The following COX7A2L variants were observed in gnomAD, a reference collection of about 807,000 sequenced individuals.
The protein encoded by COX7A2L is cytochrome c oxidase subunit 7A2-like, mitochondrial.
Under a neutral mutation model 14.2 loss-of-function variants are expected in COX7A2L, and 18 were observed. The ratio of observed to expected loss-of-function variants is 1.27; its 90% confidence interval spans 0.88 to 1.88. The LOEUF (loss-of-function observed/expected upper bound fraction) is 1.88, where lower values mean the gene tolerates loss of function less well. Among genes scored for constraint, COX7A2L ranks in the 40% most tolerant of loss-of-function variants. The probability of loss-of-function intolerance (pLI) is 0.00; values close to 1 mark genes in which losing one functional copy is unlikely to be tolerated. For synonymous variants in COX7A2L, 65 were observed against 57.4 expected (o/e 1.13, Z -0.60); for missense variants, 179 against 138.8 (o/e 1.29, Z -1.46).
In COX7A2L at chr2:42,342,812, G is replaced by A. The variant is rs1486080458; in HGVS notation, c.193-8943C>T. Among the ~76,000 whole-genome samples, 1 of 152,078 alleles carries A rather than the reference G, an allele frequency of 6.6e-6. No homozygotes were observed. The highest frequency in any genetic ancestry group is 1.9e-4 in the East Asian group (1 of 5,172). Reference sequence around the variant, plus strand: ...TTCAGCGCCCCCCGTTTCGGGTTTTGCAGCAGACTTCCCCTGGGAAGTCAG... The same window carrying A: ...TTCAGCGCCCCCCGTTTCGGGTTTTACAGCAGACTTCCCCTGGGAAGTCAG... On this transcript the variant is annotated intron_variant, in intron 2 of 2. Transcript: ENST00000468711. The surrounding 1 kb of genome is among the most constrained non-coding windows in gnomAD (Gnocchi z 4.9).
rs1670347992 is a variant in COX7A2L at position 42,339,133 on chromosome 2, ACT to A, written c.193-5266_193-5265del. ...AAAGCTGAAGTGGTTTCTATGGGAA[ACT>A]CTCACAATAAAATAGAAGGAAGTTT... On this transcript the variant is annotated intron_variant, in intron 2 of 2. Transcript: ENST00000468711. This position sits in a 1 kb window ranked among gnomAD's most constrained non-coding sequence, Gnocchi z 5.4. Among the ~76,000 whole-genome samples the A allele has an allele frequency of 6.6e-6, 1 of 151,970 alleles. No homozygotes were observed. The highest frequency in any genetic ancestry group is 6.6e-5 in the Admixed American group (1 of 15,242).
downstream of COX7A2L, among the ~76,000 whole-genome samples, chr2:42,348,039 G>A (rs1325450437): frequency 6.6e-6 from 1 of 152,178 alleles, no homozygotes; most frequent in African/African-American, 2.4e-5. Context: ...CACAAGGTAG[G>A]GAGGTGATCA....
chr2:42,353,371 G>C, intron 1 of COX7A2L, 28 bp from the exon 2 acceptor site: 1 of 1,611,512 alleles, frequency 6.2e-7, no homozygotes, highest in Non-Finnish European at 8.5e-7. Flanking sequence ...AAAATGGCAA[G>C]TTGAAAGTAT....
At chr2:42,362,163 T>C (rs1012682905), upstream of COX7A2L, among the ~76,000 whole-genome samples, 1 of 152,214 alleles carries the variant, frequency 6.6e-6, no homozygotes, top group Non-Finnish European at 1.5e-5. Context: ...ACCTTGAGCC[T>C]GAAAGATCTG....
chr2:42,365,087 C>G (rs1460951080), upstream of COX7A2L, among the ~76,000 whole-genome samples: 1 of 152,118 alleles, frequency 6.6e-6, no homozygotes, highest in African/African-American at 2.4e-5. Flanking sequence ...CTTAATTATG[C>G]ATAGAAAAAA....
upstream of COX7A2L, among the ~76,000 whole-genome samples, chr2:42,365,369 G>A (rs1303738878): frequency 6.6e-6 from 1 of 152,182 alleles, no homozygotes; most frequent in Non-Finnish European, 1.5e-5. Flanking sequence ...GCTCACACCT[G>A]TAATCCCAGC....
chr2:42,348,169 C>A (rs1334285329), downstream of COX7A2L, among the ~76,000 whole-genome samples: 1 of 152,174 alleles, frequency 6.6e-6, no homozygotes, highest in African/African-American at 2.4e-5. Context: ...TTTAAAGGCT[C>A]ATCTTCACAG....
chr2:42,363,631 T>C (rs1390208403), upstream of COX7A2L, among the ~76,000 whole-genome samples: 2 of 152,252 alleles, frequency 1.3e-5, no homozygotes, highest in African/African-American at 4.8e-5. Flanking sequence ...ATGGAATGGC[T>C]GATCATGGGA....
chr2:42,354,310 A>T (rs528041496), intron 1 of COX7A2L, among the ~76,000 whole-genome samples: 2 of 152,320 alleles, frequency 1.3e-5, no homozygotes, highest in South Asian at 4.1e-4. Context: ...TTTATCTGAA[A>T]GGAATAAACC....
At chr2:42,367,992 A>C (rs77444857) in intron 1 of COX7A2L, among the ~76,000 whole-genome samples, 1 of 152,242 alleles carries the variant, frequency 6.6e-6, no homozygotes, top group African/African-American at 2.4e-5. Context: ...GTAAAAATCA[A>C]ATCAAGGTGT....
chr2:42,346,262 C>G (rs55978605), downstream of COX7A2L, among the ~76,000 whole-genome samples: 1 of 152,094 alleles, frequency 6.6e-6, no homozygotes, highest in African/African-American at 2.4e-5. Context: ...CAGAATTAAA[C>G]AGCTGCATAA....
rs1021476087 is a variant in COX7A2L, at chr2:42,351,361, T to C, written c.205-2A>G. ...GTAGACGGGCACACCATCAGCTTTC[T>C]TGAAAGCAAGAATTAACAAGGGCAT... On this transcript the variant is annotated splice_acceptor_variant, in intron 2 of 2. Coordinates refer to ENST00000234301, the MANE Select transcript of COX7A2L (RefSeq NM_004718.4). LOFTEE classifies it high-confidence loss of function. 4.3e-6 allele frequency: 7 copies of C among 1,612,320 alleles called. No homozygotes were observed. The highest frequency in any genetic ancestry group is 5.9e-6 in the Non-Finnish European group (7 of 1,179,538).
At chr2:42,361,650 A>T (rs1194365443), upstream of COX7A2L, 1 of 153,622 alleles carries the variant, frequency 6.5e-6, no homozygotes, top group East Asian at 1.9e-4. Context: ...TGGGAATTCC[A>T]CCATCCGAGA....
upstream of COX7A2L, among the ~76,000 whole-genome samples, chr2:42,362,072 T>C (rs1197284028): frequency 1.3e-5 from 2 of 152,192 alleles, no homozygotes; most frequent in Non-Finnish European, 2.9e-5. Flanking sequence ...AGGTCATTGA[T>C]TATTCATCCT....
intron 2 of COX7A2L, among the ~76,000 whole-genome samples, chr2:42,337,904 TG>T (rs1228155001): frequency 6.6e-6 from 1 of 152,188 alleles, no homozygotes; most frequent in Non-Finnish European, 1.5e-5. Context: ...GTGCGGACCG[TG>T]GGACCAAGCG....
chr2:42,351,284 T>A lies in COX7A2L; in HGVS notation c.280A>T (p.Thr94Ser). 6 of 1,614,218 alleles carry A rather than the reference T, an allele frequency of 3.7e-6. No individual in the cohort carries two copies. The highest frequency in any genetic ancestry group is 5.1e-6 in the Non-Finnish European group (6 of 1,180,040). Residue 94 changes from threonine (T) to serine (S), a missense_variant, in exon 3 of 3, where the codon ACT becomes TCT. Physicochemically the swap from Thr to Ser is moderately conservative, Grantham distance 58. Transcript: ENST00000234301. ...QMLYRTTMAL[T>S]VGGTIYCLIA... ...AGGCAGTAGATGGTCCCTCCCACAG[T>A]CAGCGCCATGGTGGTCCGGTAAAGC...
Position 42,339,112 on chromosome 2 carries a change from C to T in COX7A2L, c.193-5243G>A, listed in dbSNP as rs1050667357. 1.3e-5 allele frequency among the ~76,000 whole-genome samples: 2 copies of T among 152,216 alleles called. No homozygotes were observed. Among genetic ancestry groups the T allele is most frequent in the African/African-American group, 4.8e-5 (2 of 41,448 alleles). ...AAAGCTGCCGTTCACCATGCCAAAG[C>T]TGAAGTGGTTTCTATGGGAAACTCT... is the stretch of plus-strand genomic sequence containing the variant. On this transcript the variant is annotated intron_variant, in intron 2 of 2. Transcript: ENST00000468711. The surrounding 1 kb of genome is among the most constrained non-coding windows in gnomAD (Gnocchi z 5.4).
intron 2 of COX7A2L, among the ~76,000 whole-genome samples, chr2:42,340,870 T>A (rs1670390385): frequency 6.6e-6 from 1 of 152,150 alleles, no homozygotes; most frequent in Admixed American, 6.6e-5. Flanking sequence ...CGCAGCACAC[T>A]GCAGAAGGAA....
intron 2 of COX7A2L, among the ~76,000 whole-genome samples, chr2:42,343,721 G>A (rs1188214556): frequency 6.6e-6 from 1 of 152,232 alleles, no homozygotes; most frequent in African/African-American, 2.4e-5. Flanking sequence ...GGGACAGAAA[G>A]TGAGAGGTTT....
Sources: allele counts gnomAD v4.1 joint callset (sites outside exome capture counted in the v4.1 genomes callset), GRCh38; gene constraint gnomAD v4.1.1; non-coding constraint Gnocchi (gnomAD v3.1); transcripts MANE v1.5; gene names NCBI Gene and HGNC (gene_info 2026-07-23, HGNC 2026-07-21).